OR2L5: variants seen among roughly 807,000 people sequenced by gnomAD.
OR2L5 encodes olfactory receptor 2L5.
For synonymous variants in OR2L5, 169 were observed against 142.0 expected, an observed-to-expected ratio of 1.19 and a Z score of -1.35; for missense variants, 413 against 381.6, an observed-to-expected ratio of 1.08 and a Z score of -0.69.
At chr1:248,017,485 CAA>C (rs993956394) in intron 1 of OR2L5, among the ~76,000 whole-genome samples, 5 of 152,194 alleles carry the variant, frequency 3.3e-5, no homozygotes, top group Admixed American at 2.6e-4. Context: ...TCACCACTTG[CAA>C]AGTCATGTTA....
In OR2L5 at chr1:248,022,149, A is replaced by G. The variant is rs1402642146; in HGVS notation, c.202A>G (p.Ile68Val). The change falls in exon 2 of 2, where the codon ATT becomes GTT. Residue 68 changes from isoleucine to valine, a missense_variant. Ile to Val is a conservative substitution (Grantham distance 29). Coordinates refer to ENST00000355281, the MANE Select transcript of OR2L5 (RefSeq NM_001258284.2). Reference protein sequence around the residue: ...MYFLLSQLSLIDLNYISTIVP... With the variant: ...MYFLLSQLSLVDLNYISTIVP... ...TTTCCTGCTTAGTCAGCTCTCCCTC[A>G]TTGACCTAAATTACATCTCTACGAT... is the stretch of plus-strand genomic sequence containing the variant. 2.5e-6 allele frequency: 4 copies of G among 1,613,846 alleles called. No individual in the cohort carries two copies. The highest frequency in any genetic ancestry group is 1.1e-5 in the South Asian group (1 of 91,074).
At chr1:248,021,736 A>G (rs1418273305) in intron 1 of OR2L5, among the ~76,000 whole-genome samples, 191 bp from the exon 2 acceptor site, 1 of 152,180 alleles carries the variant, frequency 6.6e-6, no homozygotes, top group Non-Finnish European at 1.5e-5. Flanking sequence ...ATTTGCAGCT[A>G]TTTTTGTTAA....
At chr1:248,015,718 G>T (rs1553275434) in intron 1 of OR2L5, among the ~76,000 whole-genome samples, 2 of 152,086 alleles carry the variant, frequency 1.3e-5, no homozygotes, top group Non-Finnish European at 2.9e-5. Context: ...AGTTCAATCT[G>T]ATTTCTTACA....
chr1:248,022,174 T>C lies in OR2L5; in HGVS notation c.227T>C (p.Ile76Thr). Residue 76 changes from isoleucine (I) to threonine (T), a missense_variant, in exon 2 of 2, where the codon ATT (isoleucine) becomes ACT (threonine). Physicochemically the swap from Ile to Thr is moderately conservative, Grantham distance 89. Transcript: ENST00000355281. Reference protein sequence around the residue: ...SLIDLNYISTIVPKMASDFLY... With the variant: ...SLIDLNYISTTVPKMASDFLY... ...ATTGACCTAAATTACATCTCTACGA[T>C]TGTTCCTAAGATGGCTTCTGATTTT... 6.2e-7 allele frequency: 1 copy of C among 1,614,040 alleles called. No homozygotes were observed. The highest frequency in any genetic ancestry group is 8.5e-7 in the Non-Finnish European group (1 of 1,179,920).
At chr1:248,016,884 T>C (rs111251740) in intron 1 of OR2L5, among the ~76,000 whole-genome samples, 4 of 152,248 alleles carry the variant, frequency 2.6e-5, no homozygotes, top group African/African-American at 7.2e-5. Flanking sequence ...TTGTCATCTA[T>C]AAAATGTCGG....
rs1053432089 is a variant in OR2L5, at chr1:248,023,331, G to A, written c.*445G>A. On this transcript the variant is annotated 3_prime_UTR_variant, in exon 2 of 2. Transcript: ENST00000355281. ...TGTATGTGTTCCTCTTTTTGCTAAAGTAATGATTTATTAATAAATTTACCT... is the reference window on the plus strand; with the variant it reads ...TGTATGTGTTCCTCTTTTTGCTAAAATAATGATTTATTAATAAATTTACCT... The A allele has an allele frequency of 6.6e-6, 1 of 152,312 alleles. No individual in the cohort carries two copies. The highest frequency in any genetic ancestry group is 2.4e-5 in the African/African-American group (1 of 41,412). The allele number at this position is 152,312 out of a possible 1,614,324, so 9.4% of individuals were successfully genotyped here.
chr1:248,016,087 T>G (rs985513813), intron 1 of OR2L5, among the ~76,000 whole-genome samples: 1 of 152,198 alleles, frequency 6.6e-6, no homozygotes, highest in African/African-American at 2.4e-5. Flanking sequence ...AATCTTTGTC[T>G]TCTATGAATA....
At chr1:248,017,749 G>A (rs866635891) in intron 1 of OR2L5, among the ~76,000 whole-genome samples, 17 of 152,182 alleles carry the variant, frequency 1.1e-4, no homozygotes, top group South Asian at 2.1e-4. Context: ...AATTGAGACA[G>A]TCTCCTAGTG....
chr1:248,018,012 T>G (rs72763239), intron 1 of OR2L5, among the ~76,000 whole-genome samples: 9,726 of 151,860 alleles, frequency 0.064, 358 homozygotes, highest in East Asian at 0.16. Flanking sequence ...AAAATTAGCC[T>G]GGCGTGGTGG....
intron 1 of OR2L5, among the ~76,000 whole-genome samples, chr1:248,017,732 G>T (rs573788434): frequency 2.2e-4 from 34 of 152,210 alleles, no homozygotes; most frequent in African/African-American, 7.2e-4. Flanking sequence ...GGCAGAGCTG[G>T]GTTGTAAATT....
At chr1:248,021,906 T>C (rs904537586) in intron 1 of OR2L5, 21 bp from the exon 2 acceptor site, 17 of 1,518,928 alleles carry the variant, frequency 1.1e-5, no homozygotes, top group African/African-American at 1.4e-5. Context: ...GTACTTGACT[T>C]ACCCTTGTGT....
At chr1:248,013,847 C>T (rs1662130827) in intron 1 of OR2L5, 109 bp downstream of exon 1, 1 of 152,088 alleles carries the variant, frequency 6.6e-6, no homozygotes, top group African/African-American at 2.4e-5. Context: ...AGTTTGAGCA[C>T]TAGTAATTGT....
intron 1 of OR2L5, among the ~76,000 whole-genome samples, chr1:248,021,206 A>G (rs1662325620): frequency 6.6e-6 from 1 of 152,176 alleles, no homozygotes; most frequent in Non-Finnish European, 1.5e-5. Flanking sequence ...GATTTTTCCT[A>G]TAAATGTATA....
At chr1:248,021,113 T>G (rs1427089221) in intron 1 of OR2L5, among the ~76,000 whole-genome samples, 1 of 152,146 alleles carries the variant, frequency 6.6e-6, no homozygotes, top group East Asian at 1.9e-4. Context: ...GCATTTGTTT[T>G]AAGCATAACA....
rs528003385 is a variant in OR2L5, at chr1:248,022,874, G to C, written c.927G>C (p.Ser309=). 2 of 1,606,216 alleles carry C rather than the reference G, an allele frequency of 1.2e-6. No homozygotes were observed. The highest frequency in any genetic ancestry group is 1.7e-6 in the Non-Finnish European group (2 of 1,176,286). ...ALTRVIQNIF[S]VKM ...CACGAGTGATTCAGAATATCTTCTC[G>C]GTGAAAATGTAGACATACGTTCTGT... Residue 309 remains serine, a synonymous_variant, in exon 2 of 2, where the codon TCG becomes TCC. Coordinates refer to ENST00000355281, the MANE Select transcript of OR2L5 (RefSeq NM_001258284.2).
intron 1 of OR2L5, among the ~76,000 whole-genome samples, chr1:248,017,494 G>T (rs560404390): frequency 2.2e-4 from 33 of 152,330 alleles, no homozygotes; most frequent in African/African-American, 7.2e-4. Flanking sequence ...GCAAAGTCAT[G>T]TTAACAAGAG....
intron 1 of OR2L5, among the ~76,000 whole-genome samples, chr1:248,018,160 T>A (rs60455254): frequency 0.13 from 19,167 of 143,482 alleles, 2,328 homozygotes; most frequent in African/African-American, 0.33. Context: ...CTCAAAAAAA[T>A]AAAAAAAAAA....
At chr1:248,019,107 A>C (rs1572675315) in intron 1 of OR2L5, among the ~76,000 whole-genome samples, 1 of 152,268 alleles carries the variant, frequency 6.6e-6, no homozygotes, top group South Asian at 2.1e-4. Context: ...TGGCCATATA[A>C]GTATCTTTCT....
intron 1 of OR2L5, among the ~76,000 whole-genome samples, chr1:248,016,735 A>G (rs918279085): frequency 2.6e-5 from 4 of 151,878 alleles, no homozygotes; most frequent in African/African-American, 9.7e-5. Flanking sequence ...TGTAACATAT[A>G]TATTTATTTA....
Sources: gnomAD v4.1 joint callset for allele counts (sites outside exome capture counted in the v4.1 genomes callset) on GRCh38, gnomAD v4.1.1 for gene constraint, MANE v1.5 for transcripts, NCBI Gene and HGNC (gene_info 2026-07-23, HGNC 2026-07-21) for gene names.